The following ARB2A variants were observed in gnomAD, a reference collection of about 807,000 sequenced individuals.
ARB2A encodes the protein cotranscriptional regulator ARB2A.
chr5:93,944,997 T>C, the ARB2A span, among the ~76,000 whole-genome samples: 1 of 152,096 alleles, frequency 6.6e-6, no homozygotes, highest in South Asian at 2.1e-4. Flanking sequence ...GGGTAGGCCA[T>C]AACACTAAAA....
At chr5:94,110,105 A>G in the ARB2A span, among the ~76,000 whole-genome samples, 2 of 152,024 alleles carry the variant, frequency 1.3e-5, no homozygotes, top group African/African-American at 4.8e-5. Context: ...GGCTGGTCTC[A>G]AACTCCAGGG....
chr5:93,854,208 T>C, the ARB2A span, among the ~76,000 whole-genome samples: 26 of 152,220 alleles, frequency 1.7e-4, no homozygotes, highest in Non-Finnish European at 2.4e-4. Flanking sequence ...GTCGAGAAAT[T>C]TATCCATTTC....
chr5:93,636,246 GT>G, the ARB2A span, among the ~76,000 whole-genome samples: 3 of 152,314 alleles, frequency 2.0e-5, no homozygotes, highest in East Asian at 5.8e-4. Context: ...ACCCCAGTCA[GT>G]TAATGATTTG....
chr5:93,637,816 C>A, the ARB2A span, among the ~76,000 whole-genome samples: 1 of 152,186 alleles, frequency 6.6e-6, no homozygotes, highest in African/African-American at 2.4e-5. Context: ...GCCCTCAGCA[C>A]CTGGGGAGTA....
the ARB2A span, chr5:93,743,516 A>G: frequency 4.1e-6 from 4 of 983,690 alleles, no homozygotes; most frequent in Non-Finnish European, 4.8e-6. Context: ...GCTGGTATCT[A>G]TTCTCTTGAG....
At chr5:93,862,491 CT>C in the ARB2A span, 1 of 152,138 alleles carries the variant, frequency 6.6e-6, no homozygotes, top group East Asian at 1.9e-4. Flanking sequence ...ATAAGCCTTT[CT>C]TTTAAATAAT....
the ARB2A span, among the ~76,000 whole-genome samples, chr5:93,728,897 T>C: frequency 6.6e-6 from 1 of 152,168 alleles, no homozygotes; most frequent in Non-Finnish European, 1.5e-5. Flanking sequence ...TATATTAATC[T>C]TTAATGTTAA....
At chr5:93,815,011 T>TA in the ARB2A span, among the ~76,000 whole-genome samples, 2 of 152,036 alleles carry the variant, frequency 1.3e-5, no homozygotes, top group African/African-American at 4.8e-5. Context: ...CTAATTTTTT[T>TA]AAAAAAATTT....
chr5:93,843,497 C>T, the ARB2A span, among the ~76,000 whole-genome samples: 1 of 147,456 alleles, frequency 6.8e-6, no homozygotes, highest in Admixed American at 6.8e-5. Context: ...TCACAACTCG[C>T]TGTGAAGCCT....
At chr5:93,977,110 C>A in the ARB2A span, among the ~76,000 whole-genome samples, 1 of 151,668 alleles carries the variant, frequency 6.6e-6, no homozygotes, top group South Asian at 2.1e-4. Flanking sequence ...ATGACAAAAA[C>A]AAATGGAAAA....
chr5:93,717,865 C>T, the ARB2A span, among the ~76,000 whole-genome samples: 17 of 145,094 alleles, frequency 1.2e-4, no homozygotes, highest in African/African-American at 3.6e-4. Context: ...GACGGAGTCT[C>T]GCTCTGTCAC....
the ARB2A span, among the ~76,000 whole-genome samples, chr5:93,658,087 A>G: frequency 8.5e-5 from 13 of 152,164 alleles, no homozygotes; most frequent in Admixed American, 8.5e-4. Context: ...TTTAAGTTAG[A>G]CTTCTTAATG....
At chr5:93,931,022 TC>T in the ARB2A span, among the ~76,000 whole-genome samples, 1 of 152,086 alleles carries the variant, frequency 6.6e-6, no homozygotes, top group African/African-American at 2.4e-5. Context: ...TGTGTGTTGT[TC>T]CCCTCCCTGT....
the ARB2A span, chr5:93,740,825 G>C: frequency 1.2e-6 from 2 of 1,613,808 alleles, no homozygotes; most frequent in Non-Finnish European, 1.7e-6. Context: ...TGCAGCTGGA[G>C]GCACCCAGCA....
the ARB2A span, among the ~76,000 whole-genome samples, chr5:93,926,926 T>C: frequency 6.6e-6 from 1 of 151,534 alleles, no homozygotes; most frequent in East Asian, 1.9e-4. Flanking sequence ...CTGAATAGGA[T>C]GTAAGCAAAG....
At chr5:93,788,229 A>AT in the ARB2A span, among the ~76,000 whole-genome samples, 2 of 152,078 alleles carry the variant, frequency 1.3e-5, no homozygotes, top group Admixed American at 1.3e-4. Context: ...GTTTATCATT[A>AT]TTTTTTCTTG....
the ARB2A span, among the ~76,000 whole-genome samples, chr5:93,867,964 G>T: frequency 6.6e-6 from 1 of 152,006 alleles, no homozygotes; most frequent in Non-Finnish European, 1.5e-5. Flanking sequence ...GAAATGTCAT[G>T]CTCCAAACAA....
the ARB2A span, among the ~76,000 whole-genome samples, chr5:93,932,374 G>A: frequency 5.3e-5 from 8 of 152,204 alleles, no homozygotes; most frequent in African/African-American, 1.9e-4. Context: ...AAAGTGCTCA[G>A]ATGTACTGCA....
chr5:94,102,709 A>G, the ARB2A span, among the ~76,000 whole-genome samples: 1 of 152,074 alleles, frequency 6.6e-6, no homozygotes, highest in Admixed American at 6.6e-5. Context: ...CTGAAGACAA[A>G]TAGTCTTCAG....
Sources: allele counts gnomAD v4.1 joint callset (sites outside exome capture counted in the v4.1 genomes callset), GRCh38; gene constraint gnomAD v4.1.1; transcripts MANE v1.5; gene names NCBI Gene and HGNC (gene_info 2026-07-23, HGNC 2026-07-21).